SMAD9: variants seen among roughly 807,000 people sequenced by gnomAD.
SMAD9 encodes SMAD family member 9.
In SMAD9, 36 loss-of-function variants were observed where a neutral mutation model predicts 46.1. That is an observed-to-expected ratio of 0.78 (90% CI 0.60 to 1.03). The LOEUF (loss-of-function observed/expected upper bound fraction) is 1.03. Ranked by LOEUF, SMAD9 falls within the 50% of genes least tolerant of loss-of-function variation. The pLI, the probability that SMAD9 is intolerant of heterozygous loss-of-function variation, is 0.00. For synonymous variants in SMAD9, 245 were observed against 237.1 expected (o/e 1.03, Z -0.31); for missense variants, 572 against 599.8 (o/e 0.95, Z 0.48).
intron 1 of SMAD9, among the ~76,000 whole-genome samples, chr13:36,889,325 G>A (rs548802554): frequency 1.3e-5 from 2 of 152,200 alleles, no homozygotes; most frequent in African/African-American, 4.8e-5. Flanking sequence ...GTGGCTCCAT[G>A]TTTCTTTCAT....
intron 1 of SMAD9, among the ~76,000 whole-genome samples, chr13:36,913,029 A>C (rs1408771705): frequency 6.6e-6 from 1 of 152,200 alleles, no homozygotes; most frequent in Non-Finnish European, 1.5e-5. Flanking sequence ...ATCTTAGCTT[A>C]CTTATAATAC....
intron 5 of SMAD9, among the ~76,000 whole-genome samples, chr13:36,858,119 C>T (rs2058144401): frequency 2.0e-5 from 3 of 152,112 alleles, no homozygotes; most frequent in Admixed American, 6.5e-5. Flanking sequence ...TTATTGAAGC[C>T]GGAGATACTA....
upstream of SMAD9, chr13:36,920,314 C>CCCCG (rs1272713098): frequency 6.7e-6 from 1 of 149,636 alleles, no homozygotes; most frequent in African/African-American, 2.4e-5. Flanking sequence ...TGCGGCCCGC[C>CCCCG]CCCGCCCGCC....
rs770040180 is a variant in SMAD9 at position 36,920,187 on chromosome 13, A to AGCGGCGGCGGCG, written c.-270_-259dup. The stretch of plus-strand genomic sequence containing the variant: ...CGGGGACCGAGACAGCGGCTGCAGC[A>AGCGGCGGCGGCG]GCGGCGGCGGCGGCGGCGGCGGCGG... On this transcript the variant is annotated 5_prime_UTR_variant, in exon 1 of 7. Coordinates refer to ENST00000379826, the MANE Select transcript of SMAD9 (RefSeq NM_001127217.3). The AGCGGCGGCGGCG allele has an allele frequency of 1.2e-3, 176 of 145,144 alleles. No individual in the cohort carries two copies. The highest frequency in any genetic ancestry group is 4.8e-3 in the African/African-American group (161 of 33,710). 9.0% of individuals were successfully genotyped at this position (145,144 alleles called of 1,614,324 possible). A position where few individuals can be genotyped will look rare whatever the true frequency, so the allele number is the denominator to read the frequency against.
chr13:36,899,301 T>C (rs780173652), intron 1 of SMAD9, among the ~76,000 whole-genome samples: 6 of 152,236 alleles, frequency 3.9e-5, no homozygotes, highest in African/African-American at 4.8e-5. Context: ...ACCATGTTCA[T>C]GGATGTGCAA....
chr13:36,902,460 T>A (rs1327070493), intron 1 of SMAD9, among the ~76,000 whole-genome samples: 3 of 144,906 alleles, frequency 2.1e-5, no homozygotes, highest in Non-Finnish European at 4.6e-5. Context: ...TTTGTTCTTC[T>A]TTTTTTTTTT....
At chr13:36,882,102 A>G (rs926474016) in intron 1 of SMAD9, among the ~76,000 whole-genome samples, 1 of 152,172 alleles carries the variant, frequency 6.6e-6, no homozygotes, top group African/African-American at 2.4e-5. Flanking sequence ...TGTGAAATCA[A>G]TGAATTGGAA....
chr13:36,912,018 A>G (rs1426223124), intron 1 of SMAD9, among the ~76,000 whole-genome samples: 1 of 152,186 alleles, frequency 6.6e-6, no homozygotes, highest in Non-Finnish European at 1.5e-5. Flanking sequence ...GGGGAAGCTC[A>G]GATTTTTATT....
At chr13:36,878,909 C>T (rs1023443333) in intron 2 of SMAD9, among the ~76,000 whole-genome samples, 1 of 152,200 alleles carries the variant, frequency 6.6e-6, no homozygotes, top group African/African-American at 2.4e-5. Flanking sequence ...TTTTCAAAAT[C>T]ACACAAAGCT....
At chr13:36,906,625 T>A (rs2138668953) in intron 1 of SMAD9, among the ~76,000 whole-genome samples, 1 of 152,252 alleles carries the variant, frequency 6.6e-6, no homozygotes, top group South Asian at 2.1e-4. Flanking sequence ...GATATACAAA[T>A]GGCAAATAAG....
At chr13:36,884,716 T>C (rs1360827576) in intron 1 of SMAD9, among the ~76,000 whole-genome samples, 1 of 152,198 alleles carries the variant, frequency 6.6e-6, no homozygotes, top group African/African-American at 2.4e-5. Flanking sequence ...CTGAAGATGA[T>C]TTCCACTCAG....
At chr13:36,849,066 G>A (rs1359713850) in intron 6 of SMAD9, among the ~76,000 whole-genome samples, 1 of 152,186 alleles carries the variant, frequency 6.6e-6, no homozygotes, top group Non-Finnish European at 1.5e-5. Flanking sequence ...ATCTAGAGAG[G>A]TTCTGGCACT....
At chr13:36,892,076 G>T (rs759854307) in intron 1 of SMAD9, among the ~76,000 whole-genome samples, 1 of 152,164 alleles carries the variant, frequency 6.6e-6, no homozygotes, top group Non-Finnish European at 1.5e-5. Flanking sequence ...TTTTGTCAAT[G>T]ACGATGGTAG....
chr13:36,872,873 G>A lies in SMAD9; in HGVS notation c.455C>T (p.Pro152Leu), dbSNP rs754496871. 23 of 1,614,162 alleles carry A rather than the reference G, an allele frequency of 1.4e-5. No homozygotes were observed. Among genetic ancestry groups the A allele is most frequent in the Non-Finnish European group, 1.9e-5 (22 of 1,180,028 alleles). Reference sequence around the variant, plus strand: ...GAACTTGGCCAGGAGGCTGAGCTGGGGGTTATATTCACTGTGTCTTGGCAC... The same window carrying A: ...GAACTTGGCCAGGAGGCTGAGCTGGAGGTTATATTCACTGTGTCTTGGCAC... ...VLVPRHSEYN[P>L]QLSLLAKFRS... Residue 152 changes from proline to leucine, a missense_variant, in exon 3 of 7, where the codon CCC becomes CTC. Physicochemically the swap from Pro to Leu is moderately conservative, Grantham distance 98 (BLOSUM62 -3). Transcript: ENST00000379826.
intron 2 of SMAD9, among the ~76,000 whole-genome samples, chr13:36,874,393 C>G (rs985959164): frequency 2.4e-4 from 36 of 152,214 alleles, no homozygotes; most frequent in African/African-American, 8.0e-4. Context: ...CAACTTCCCA[C>G]TCTAACCCTG....
At chr13:36,866,685 CCT>C (rs2058237874) in intron 4 of SMAD9, among the ~76,000 whole-genome samples, 1 of 152,052 alleles carries the variant, frequency 6.6e-6, no homozygotes, top group African/African-American at 2.4e-5. Context: ...TTCTTTAGAA[CCT>C]CTCTACTCAA....
At chr13:36,890,566 G>A (rs2058481562) in intron 1 of SMAD9, among the ~76,000 whole-genome samples, 1 of 152,128 alleles carries the variant, frequency 6.6e-6, no homozygotes, top group Admixed American at 6.6e-5. Flanking sequence ...ATACCCAGGT[G>A]GAACAGCTTA....
At chr13:36,895,666 A>C (rs2058522139) in intron 1 of SMAD9, among the ~76,000 whole-genome samples, 2 of 152,232 alleles carry the variant, frequency 1.3e-5, no homozygotes, top group Admixed American at 1.3e-4. Flanking sequence ...GATGTGTTCA[A>C]TGTGAATTTC....
At chr13:36,890,618 T>C (rs181031776) in intron 1 of SMAD9, among the ~76,000 whole-genome samples, 17 of 152,296 alleles carry the variant, frequency 1.1e-4, no homozygotes, top group Admixed American at 6.5e-4. Flanking sequence ...TTAAAGTAGG[T>C]GTTTAAAACT....
Sources: gnomAD v4.1 joint callset for allele counts (sites outside exome capture counted in the v4.1 genomes callset) on GRCh38, gnomAD v4.1.1 for gene constraint, MANE v1.5 for transcripts, NCBI Gene and HGNC (gene_info 2026-07-23, HGNC 2026-07-21) for gene names.